The following LAPTM4A variants were observed in gnomAD, a reference collection of about 807,000 sequenced individuals.
LAPTM4A encodes lysosomal-associated transmembrane protein 4A.
In LAPTM4A, 19 loss-of-function variants were observed where a neutral mutation model predicts 29.9. The observed-to-expected ratio is 0.64, with a 90% CI of 0.44 to 0.93. The LOEUF (loss-of-function observed/expected upper bound fraction) is 0.93, where lower values mean the gene tolerates loss of function less well. Among genes scored for constraint, LAPTM4A ranks in the 40% least tolerant of loss-of-function variants. The probability of loss-of-function intolerance (pLI) is 0.00; values close to 1 mark genes in which losing one functional copy is unlikely to be tolerated. For missense variants in LAPTM4A, 293 were observed against 288.5 expected, an observed-to-expected ratio of 1.02 and a Z score of -0.11; for synonymous variants, 105 against 102.1, an observed-to-expected ratio of 1.03 and a Z score of -0.17.
At chr2:20,038,079 T>C (rs180689789) in intron 2 of LAPTM4A, among the ~76,000 whole-genome samples, 2 of 152,204 alleles carry the variant, frequency 1.3e-5, no homozygotes, top group African/African-American at 4.8e-5. Flanking sequence ...AAGGAATGGC[T>C]GGCAATTGCT....
rs545697038 is a variant in LAPTM4A at position 20,036,856 on chromosome 2, A to C, written c.432+460T>G. On this transcript the variant is annotated intron_variant, in intron 4 of 6. Transcript: ENST00000175091. ...CATCTTCATGTATCTTGACTCCCCA[A>C]ATATTACAGTTTGCTCGCTAAACTG... Among the ~76,000 whole-genome samples, 4 of 152,260 alleles carry C rather than the reference A, an allele frequency of 2.6e-5. No homozygotes were observed. In the South Asian group the frequency reaches 6.2e-4, roughly 24 times the overall value.
chr2:20,051,314 G>GC, intron 1 of LAPTM4A, 96 bp downstream of exon 1: 3 of 304,852 alleles, frequency 9.8e-6, no homozygotes, highest in South Asian at 2.5e-5. Context: ...CCAAGTCCCC[G>GC]CCCCACCCAA....
chr2:20,048,588 T>C (rs10201596), intron 1 of LAPTM4A, among the ~76,000 whole-genome samples: 13,497 of 152,272 alleles, frequency 0.089, 1,492 homozygotes, highest in African/African-American at 0.26. Flanking sequence ...CAGTCACTGA[T>C]AGCGAGGGAG....
chr2:20,047,296 A>G lies in LAPTM4A; in HGVS notation c.111+4114T>C, dbSNP rs1209950350. 2.1e-5 allele frequency among the ~76,000 whole-genome samples: 3 copies of G among 144,108 alleles called. No homozygotes were observed. The South Asian group carries it at 7.0e-4, about 34-fold the overall frequency. The allele number at this position is 144,108 out of a possible 152,430, so 94.5% of individuals were successfully genotyped here. On this transcript the variant is annotated intron_variant, in intron 1 of 6. Transcript: ENST00000175091. ...CCAGCTATTTGGGAGGCTGGGGCAGAGGAATCGCTTGAACCTGGGAGGCGG... is the reference window on the plus strand; with the variant it reads ...CCAGCTATTTGGGAGGCTGGGGCAGGGGAATCGCTTGAACCTGGGAGGCGG...
intron 2 of LAPTM4A, 35 bp from the exon 3 acceptor site, chr2:20,037,649 C>T (rs368400698): frequency 7.3e-6 from 10 of 1,375,922 alleles, no homozygotes; most frequent in East Asian, 6.9e-5. Context: ...AATTAAGCTA[C>T]TTACACAACA....
intron 1 of LAPTM4A, among the ~76,000 whole-genome samples, chr2:20,049,698 G>A (rs1674010113): frequency 6.6e-6 from 1 of 152,186 alleles, no homozygotes; most frequent in Non-Finnish European, 1.5e-5. Flanking sequence ...GAGGAGTTAG[G>A]AATCCTTTGT....
At chr2:20,041,071 A>C in intron 1 of LAPTM4A, 60 bp from the exon 2 acceptor site, 1 of 1,533,648 alleles carries the variant, frequency 6.5e-7, no homozygotes, top group Non-Finnish European at 9.0e-7. Flanking sequence ...ATCTTAGCAC[A>C]ATCTCTAGAT....
chr2:20,042,320 C>T (rs1673818031), intron 1 of LAPTM4A, among the ~76,000 whole-genome samples: 1 of 152,154 alleles, frequency 6.6e-6, no homozygotes, highest in Non-Finnish European at 1.5e-5. Context: ...CCTAAAACAC[C>T]AAGTTCTTTT....
At chr2:20,046,540 G>A (rs922962938) in intron 1 of LAPTM4A, among the ~76,000 whole-genome samples, 9 of 151,372 alleles carry the variant, frequency 5.9e-5, no homozygotes, top group South Asian at 2.1e-4. Flanking sequence ...AGGATGGAGA[G>A]TAGTTACTGC....
chr2:20,041,532 A>C (rs1354623319), intron 1 of LAPTM4A, among the ~76,000 whole-genome samples: 1 of 151,830 alleles, frequency 6.6e-6, no homozygotes, highest in Non-Finnish European at 1.5e-5. Flanking sequence ...GTGTGTGTGT[A>C]TGTGTATGTG....
In LAPTM4A at chr2:20,033,135, A is replaced by G; in HGVS notation, c.*70T>C. 2 of 1,259,068 alleles carry G rather than the reference A, an allele frequency of 1.6e-6. No homozygotes were observed. Among genetic ancestry groups the G allele is most frequent in the Non-Finnish European group, 2.3e-6 (2 of 857,108 alleles). 78.0% of individuals were successfully genotyped at this position (1,259,068 alleles called of 1,614,324 possible). A position where few individuals can be genotyped will look rare whatever the true frequency, so the allele number is the denominator to read the frequency against. On this transcript the variant is annotated 3_prime_UTR_variant, in exon 7 of 7. Coordinates refer to ENST00000175091, the MANE Select transcript of LAPTM4A (RefSeq NM_014713.5). ...TATCAAACAAGTTTGAAGAGCCCTG[A>G]ATTGCAGCATTCTGTAACATAAACA...
At chr2:20,035,541 C>T (rs1673661575) in intron 4 of LAPTM4A, among the ~76,000 whole-genome samples, 1 of 152,182 alleles carries the variant, frequency 6.6e-6, no homozygotes, top group South Asian at 2.1e-4. Context: ...AAAATACACC[C>T]ACTGGTTACA....
At chr2:20,037,217 G>T in intron 4 of LAPTM4A, 99 bp downstream of exon 4, 1 of 960,784 alleles carries the variant, frequency 1.0e-6, no homozygotes, top group East Asian at 2.6e-5. Flanking sequence ...AAAGCAAGCG[G>T]AGTAGTTAAA....
chr2:20,048,925 T>C (rs1268937150), intron 1 of LAPTM4A, among the ~76,000 whole-genome samples: 1 of 152,204 alleles, frequency 6.6e-6, no homozygotes, highest in East Asian at 1.9e-4. Flanking sequence ...TCTCCCCAAG[T>C]TGGTAGAGAC....
intron 1 of LAPTM4A, among the ~76,000 whole-genome samples, chr2:20,045,587 T>A (rs1673900666): frequency 6.6e-6 from 1 of 152,340 alleles, no homozygotes; most frequent in East Asian, 1.9e-4. Context: ...TTAACAGTAC[T>A]GTAAATTTAA....
chr2:20,032,893 C>T lies in LAPTM4A; in HGVS notation c.*312G>A. On this transcript the variant is annotated 3_prime_UTR_variant, in exon 7 of 7. Coordinates refer to ENST00000175091, the MANE Select transcript of LAPTM4A (RefSeq NM_014713.5). ...TGCAAACGATTATATAAAGAAAGTG[C>T]AGTTAAAAAGGAAACTATGTGGCAA... The T allele has an allele frequency of 6.4e-6, 2 of 314,376 alleles. No homozygotes were observed. The highest frequency in any genetic ancestry group is 1.2e-5 in the Non-Finnish European group (2 of 168,980). 19.5% of individuals were successfully genotyped at this position (314,376 alleles called of 1,614,324 possible).
chr2:20,046,543 G>C (rs931643456), intron 1 of LAPTM4A, among the ~76,000 whole-genome samples: 2 of 151,202 alleles, frequency 1.3e-5, no homozygotes, highest in Non-Finnish European at 2.9e-5. Flanking sequence ...ATGGAGAGTA[G>C]TTACTGCGAT....
rs903537933 is a variant in LAPTM4A at position 20,037,292 on chromosome 2, A to G, written c.432+24T>C. 3.9e-6 allele frequency: 6 copies of G among 1,542,422 alleles called. No homozygotes were observed. The African/African-American group carries it at 7.0e-5, about 18-fold the overall frequency. ...TTTTACTCAAAATGAAAAAAAAATAAGTTTAATGAGCATACACACTTACTA... is the reference window on the plus strand; with the variant it reads ...TTTTACTCAAAATGAAAAAAAAATAGGTTTAATGAGCATACACACTTACTA... On this transcript the variant is annotated intron_variant, in intron 4 of 6. Transcript: ENST00000175091.
chr2:20,034,986 GCAAAGAACACA>G lies in LAPTM4A; in HGVS notation c.498_508del (p.Val167LeufsTer6). ...ACGTACCTTAAAAATGATGAATAAGGCAAAGAACACAAGAACAATGAACAGGAGGCAGCTGG... is the reference window on the plus strand; with the variant it reads ...ACGTACCTTAAAAATGATGAATAAGGAGAACAATGAACAGGAGGCAGCTGG... On this transcript the variant is annotated frameshift_variant, in exon 5 of 7. Coordinates refer to ENST00000175091, the MANE Select transcript of LAPTM4A (RefSeq NM_014713.5). LOFTEE classifies it high-confidence loss of function. The G allele has an allele frequency of 1.2e-6, 2 of 1,611,688 alleles. No individual in the cohort carries two copies.
Sources: gnomAD v4.1 joint callset for allele counts (sites outside exome capture counted in the v4.1 genomes callset) on GRCh38, gnomAD v4.1.1 for gene constraint, MANE v1.5 for transcripts, NCBI Gene and HGNC (gene_info 2026-07-23, HGNC 2026-07-21) for gene names.